Variants in TBC1D22A observed in about 807,000 individuals in gnomAD.
TBC1D22A encodes the protein putative GTPase activator.
In TBC1D22A, 38 loss-of-function variants were observed where a neutral mutation model predicts 60.2. The ratio of observed to expected loss-of-function variants is 0.63; its 90% confidence interval spans 0.49 to 0.83. The LOEUF (loss-of-function observed/expected upper bound fraction) is 0.83. TBC1D22A is among the 40% of genes least tolerant of loss of function. The pLI, the probability that TBC1D22A is intolerant of heterozygous loss-of-function variation, is 0.00. For missense variants in TBC1D22A, 628 were observed against 701.0 expected, an observed-to-expected ratio of 0.90 and a Z score of 1.18; for synonymous variants, 302 against 281.7, an observed-to-expected ratio of 1.07 and a Z score of -0.72.
intron 8 of TBC1D22A, chr22:46,915,647 A>G (rs2070311592): frequency 8.8e-6 from 4 of 456,538 alleles, no homozygotes; most frequent in South Asian, 6.2e-5. Context: ...GGTTTAAGAA[A>G]TCCCCGGGGT....
chr22:46,941,525 C>CGGAATATATATACGGAATATATATACAG (rs1569248390), intron 8 of TBC1D22A, among the ~76,000 whole-genome samples: 913 of 82,048 alleles, frequency 0.011, 130 homozygotes, highest in Non-Finnish European at 0.012. Flanking sequence ...TATATATACA[C>CGGAATATATATACGGAATATATATACAG]GGAATATATA....
chr22:47,095,492 A>C (rs1262148642), intron 11 of TBC1D22A, among the ~76,000 whole-genome samples: 1 of 152,276 alleles, frequency 6.6e-6, no homozygotes, highest in African/African-American at 2.4e-5. Context: ...TATATCATAT[A>C]TAAGTAATTT....
intron 11 of TBC1D22A, among the ~76,000 whole-genome samples, chr22:47,093,797 T>A (rs1569439846): frequency 2.0e-5 from 3 of 152,224 alleles, no homozygotes. Context: ...AACATTATTC[T>A]GGATGTCTCT....
chr22:46,949,879 C>T (rs1280777422), intron 8 of TBC1D22A, among the ~76,000 whole-genome samples: 1 of 152,200 alleles, frequency 6.6e-6, no homozygotes, highest in African/African-American at 2.4e-5. Context: ...TCCAGGGGGC[C>T]CTGAGGCCTG....
chr22:47,042,075 G>T (rs893431151), intron 11 of TBC1D22A, among the ~76,000 whole-genome samples: 1 of 152,268 alleles, frequency 6.6e-6, no homozygotes, highest in Non-Finnish European at 1.5e-5. Context: ...ATTGTTCTCT[G>T]AGAGTTTTTA....
At chr22:47,030,377 T>G (rs1160437085) in intron 10 of TBC1D22A, among the ~76,000 whole-genome samples, 2 of 152,210 alleles carry the variant, frequency 1.3e-5, no homozygotes, top group Non-Finnish European at 2.9e-5. Context: ...GTTTTTTCCA[T>G]TTTAGCCTAA....
chr22:46,908,265 C>T (rs1034360447), intron 7 of TBC1D22A, among the ~76,000 whole-genome samples: 6 of 152,216 alleles, frequency 3.9e-5, no homozygotes, highest in South Asian at 4.1e-4. Flanking sequence ...GGATGCCACA[C>T]GCATCTGGGG....
intron 1 of TBC1D22A, among the ~76,000 whole-genome samples, chr22:46,785,577 C>T (rs945519739): frequency 1.3e-5 from 2 of 152,182 alleles, no homozygotes; most frequent in Non-Finnish European, 2.9e-5. Flanking sequence ...TAGAAAACCT[C>T]GTGTGTCCTT....
intron 11 of TBC1D22A, among the ~76,000 whole-genome samples, chr22:47,045,951 C>A (rs546877093): frequency 6.6e-6 from 1 of 152,300 alleles, no homozygotes; most frequent in Admixed American, 6.5e-5. Flanking sequence ...TTTTTGGAGG[C>A]TAGTGAAGAA....
chr22:46,877,975 T>C (rs2067645222), intron 4 of TBC1D22A, among the ~76,000 whole-genome samples: 1 of 152,146 alleles, frequency 6.6e-6, no homozygotes, highest in African/African-American at 2.4e-5. Flanking sequence ...TGGACCTTGC[T>C]CCAGGACCCC....
At chr22:46,901,316 C>G (rs1231391973) in intron 7 of TBC1D22A, among the ~76,000 whole-genome samples, 1 of 152,142 alleles carries the variant, frequency 6.6e-6, no homozygotes, top group Non-Finnish European at 1.5e-5. Flanking sequence ...TCAGTTATGC[C>G]CGGATGTGGA....
At position 46,932,918 on chromosome 22, in the gene TBC1D22A, T is replaced by G. The variant is rs534980932; in HGVS notation, c.1015+20730T>G. Among the ~76,000 whole-genome samples the G allele has an allele frequency of 2.6e-5, 4 of 152,026 alleles. No homozygotes were observed. The East Asian group carries it at 7.8e-4, about 30-fold the overall frequency. On this transcript the variant is annotated intron_variant, in intron 8 of 12. Transcript: ENST00000337137. ...TTTTTTATTTTTAGTAGAGATGAGGTTTCACCATGTTGGTTAGGCTAGTCT... is the reference window on the plus strand; with the variant it reads ...TTTTTTATTTTTAGTAGAGATGAGGGTTCACCATGTTGGTTAGGCTAGTCT...
At chr22:46,873,783 A>G (rs183984870) in intron 4 of TBC1D22A, among the ~76,000 whole-genome samples, 2 of 150,302 alleles carry the variant, frequency 1.3e-5, no homozygotes, top group East Asian at 3.9e-4. Flanking sequence ...AAAGGACATA[A>G]TCTTGTTCCT....
intron 4 of TBC1D22A, among the ~76,000 whole-genome samples, chr22:46,863,965 G>A (rs1245398161): frequency 6.6e-6 from 1 of 152,156 alleles, no homozygotes; most frequent in Non-Finnish European, 1.5e-5. Flanking sequence ...GGCCTCTCGA[G>A]TTGTCCCTGG....
At chr22:46,933,610 A>T (rs1156804607) in intron 8 of TBC1D22A, among the ~76,000 whole-genome samples, 3 of 150,896 alleles carry the variant, frequency 2.0e-5, no homozygotes, top group Admixed American at 1.3e-4. Context: ...GAGGACAGAG[A>T]CAGGGAGAGA....
At chr22:47,042,564 A>G (rs1257434351) in intron 11 of TBC1D22A, among the ~76,000 whole-genome samples, 4 of 152,240 alleles carry the variant, frequency 2.6e-5, no homozygotes, top group African/African-American at 4.8e-5. Context: ...TGGGTCTGGC[A>G]GTCTGGCAGT....
Position 46,913,359 on chromosome 22 carries a change from G to C in TBC1D22A, c.1015+1171G>C, listed in dbSNP as rs555960955. On this transcript the variant is annotated intron_variant, in intron 8 of 12. Coordinates refer to ENST00000337137, the MANE Select transcript of TBC1D22A (RefSeq NM_014346.5). ...CCTTTCCAGGTTGTGGTCGGCCTCA[G>C]ATTCCCATCCTTGCTGTGATCTGGA... The C allele has an allele frequency of 8.8e-6, 12 of 1,366,414 alleles. No individual in the cohort carries two copies. The South Asian group carries it at 1.0e-4, about 12-fold the overall frequency. 84.6% of individuals were successfully genotyped at this position (1,366,414 alleles called of 1,614,324 possible). A position where few individuals can be genotyped will look rare whatever the true frequency, so the allele number is the denominator to read the frequency against.
intron 4 of TBC1D22A, among the ~76,000 whole-genome samples, chr22:46,832,059 T>C (rs1331166711): frequency 6.6e-6 from 1 of 152,226 alleles, no homozygotes; most frequent in Non-Finnish European, 1.5e-5. Context: ...ATTCCTTTTG[T>C]TTTTTGAGTC....
intron 4 of TBC1D22A, among the ~76,000 whole-genome samples, chr22:46,841,773 T>C (rs1485971648): frequency 6.6e-6 from 1 of 152,242 alleles, no homozygotes; most frequent in East Asian, 1.9e-4. Context: ...TACAGCATGA[T>C]GACTATAGTT....
Sources: gnomAD v4.1 joint callset for allele counts (sites outside exome capture counted in the v4.1 genomes callset) on GRCh38, gnomAD v4.1.1 for gene constraint, MANE v1.5 for transcripts, NCBI Gene and HGNC (gene_info 2026-07-23, HGNC 2026-07-21) for gene names.